The following GASK1A variants were observed in gnomAD, a reference collection of about 807,000 sequenced individuals.
GASK1A encodes Golgi-associated kinase 1A.
Under a neutral mutation model 41.2 loss-of-function variants are expected in GASK1A, and 40 were observed. The ratio of observed to expected loss-of-function variants is 0.97; its 90% CI spans 0.75 to 1.27. GASK1A has a LOEUF of 1.27. Ranked by LOEUF, GASK1A falls within the 50% of genes most tolerant of loss-of-function variation. The probability of loss-of-function intolerance (pLI) is 0.00; values close to 1 mark genes in which losing one functional copy is unlikely to be tolerated. For missense variants in GASK1A, 678 were observed against 745.1 expected (o/e 0.91, Z 1.05); for synonymous variants, 316 against 307.1 (o/e 1.03, Z -0.30).
Position 42,979,596 on chromosome 3 carries a change from G to A in GASK1A, c.-47G>A, listed in dbSNP as rs6763762. On this transcript the variant is annotated 5_prime_UTR_variant, in exon 1 of 5. Transcript: ENST00000430121. ...CCAAGGGGAGGCGGGATGAGTCTGCGAGCCGGCTGAGCGCGCCGAGGAGCC... is the reference window on the plus strand; with the variant it reads ...CCAAGGGGAGGCGGGATGAGTCTGCAAGCCGGCTGAGCGCGCCGAGGAGCC... 0.18 allele frequency: 218,647 copies of A among 1,239,956 alleles called. 20,227 individuals are homozygous for A. Among genetic ancestry groups the A allele is most frequent in the Non-Finnish European group, 0.19 (185,729 of 987,150 alleles). The allele number at this position is 1,239,956 out of a possible 1,614,324, so 76.8% of individuals were successfully genotyped here.
At chr3:43,052,194 T>G (rs1559408453) in intron 2 of GASK1A, among the ~76,000 whole-genome samples, 1 of 152,132 alleles carries the variant, frequency 6.6e-6, no homozygotes, top group African/African-American at 2.4e-5. Flanking sequence ...GTAGATGGAC[T>G]CTTTCTGTTT....
chr3:42,997,197 G>A (rs996133985), intron 1 of GASK1A, among the ~76,000 whole-genome samples: 4 of 152,178 alleles, frequency 2.6e-5, no homozygotes, highest in African/African-American at 9.7e-5. Flanking sequence ...CCTGCACCTT[G>A]GGTGACTCTG....
At chr3:43,031,067 G>T (rs142545784) in intron 1 of GASK1A, among the ~76,000 whole-genome samples, 112 of 152,316 alleles carry the variant, frequency 7.4e-4, no homozygotes, top group African/African-American at 2.5e-3. Flanking sequence ...CCAGCAAATT[G>T]CCTCACACTG....
chr3:43,009,687 C>T (rs977716492), intron 1 of GASK1A, among the ~76,000 whole-genome samples: 1 of 152,206 alleles, frequency 6.6e-6, no homozygotes, highest in Non-Finnish European at 1.5e-5. Flanking sequence ...ATCCTTCTAG[C>T]CATAACAGTG....
At chr3:43,008,277 A>T (rs2089446406) in intron 1 of GASK1A, among the ~76,000 whole-genome samples, 1 of 152,158 alleles carries the variant, frequency 6.6e-6, no homozygotes. Flanking sequence ...CTGGCATGGG[A>T]GATGCTCAAC....
At chr3:43,039,869 G>C (rs2089626912) in intron 2 of GASK1A, among the ~76,000 whole-genome samples, 1 of 152,096 alleles carries the variant, frequency 6.6e-6, no homozygotes, top group Non-Finnish European at 1.5e-5. Context: ...TTTTCTGTTG[G>C]GTTGTTGGTC....
At chr3:42,985,274 C>T (rs1378861468) in intron 1 of GASK1A, among the ~76,000 whole-genome samples, 1 of 152,160 alleles carries the variant, frequency 6.6e-6, no homozygotes, top group Admixed American at 6.5e-5. Flanking sequence ...ACGGGTGTCT[C>T]CATGGGCAGG....
chr3:42,982,447 C>T (rs1043046484), intron 1 of GASK1A, among the ~76,000 whole-genome samples: 2 of 152,204 alleles, frequency 1.3e-5, no homozygotes, highest in African/African-American at 4.8e-5. Context: ...TTTTAAAGAG[C>T]TGAGATTTCA....
At chr3:43,012,219 G>A (rs1282439802) in intron 1 of GASK1A, among the ~76,000 whole-genome samples, 1 of 150,788 alleles carries the variant, frequency 6.6e-6, no homozygotes, top group African/African-American at 2.4e-5. Context: ...GAAAGGGGCT[G>A]TTTGAAGCCA....
At chr3:43,049,113 T>A (rs2089676983) in intron 2 of GASK1A, among the ~76,000 whole-genome samples, 1 of 152,144 alleles carries the variant, frequency 6.6e-6, no homozygotes, top group African/African-American at 2.4e-5. Flanking sequence ...TGCAGGGTAC[T>A]TGGATTGTTG....
At chr3:43,002,408 C>T (rs750320425) in intron 1 of GASK1A, among the ~76,000 whole-genome samples, 1 of 152,144 alleles carries the variant, frequency 6.6e-6, no homozygotes, top group East Asian at 1.9e-4. Flanking sequence ...CTGTACTGTA[C>T]CACAATTTTT....
At chr3:43,051,656 C>T (rs1466890483) in intron 2 of GASK1A, among the ~76,000 whole-genome samples, 2 of 152,124 alleles carry the variant, frequency 1.3e-5, no homozygotes, top group Non-Finnish European at 2.9e-5. Context: ...CAATTGTTAT[C>T]CATTGTCTCA....
chr3:43,008,060 G>A (rs1005079959), intron 1 of GASK1A, among the ~76,000 whole-genome samples: 1 of 152,188 alleles, frequency 6.6e-6, no homozygotes, highest in African/African-American at 2.4e-5. Flanking sequence ...ATAATAGCAG[G>A]GTCAAAACTC....
intron 1 of GASK1A, among the ~76,000 whole-genome samples, chr3:42,988,265 G>A (rs1226129106): frequency 6.6e-6 from 1 of 152,192 alleles, no homozygotes; most frequent in Non-Finnish European, 1.5e-5. Context: ...GCCGCGGGAA[G>A]GGGCTGTATC....
chr3:43,008,718 A>T (rs898903592), intron 1 of GASK1A, among the ~76,000 whole-genome samples: 4 of 152,338 alleles, frequency 2.6e-5, no homozygotes, highest in East Asian at 1.9e-4. Context: ...GCCATGCTTT[A>T]GAAGTCAACT....
At position 43,050,769 on chromosome 3, in the gene GASK1A, G is replaced by A. The variant is rs147919533; in HGVS notation, c.1291-2752G>A. Among the ~76,000 whole-genome samples, 1,437 of 151,438 alleles carry A rather than the reference G, an allele frequency of 9.5e-3. 25 individuals are homozygous for A. Among genetic ancestry groups the A allele is most frequent in the African/African-American group, 0.033 (1,348 of 41,214 alleles). ...GACCTATCTTCAGGTTTTCTGATTC[G>A]TTCTTCTGCCTGCTCATAACTGCTG... On this transcript the variant is annotated intron_variant, in intron 2 of 4. Coordinates refer to ENST00000430121, the MANE Select transcript of GASK1A (RefSeq NM_001129908.3).
At chr3:43,019,115 G>T (rs568926618) in intron 1 of GASK1A, among the ~76,000 whole-genome samples, 4 of 152,366 alleles carry the variant, frequency 2.6e-5, no homozygotes, top group African/African-American at 9.6e-5. Flanking sequence ...CAGACATGTA[G>T]TGAATGCTGA....
At chr3:43,025,719 G>A (rs2089544026) in intron 1 of GASK1A, among the ~76,000 whole-genome samples, 1 of 152,154 alleles carries the variant, frequency 6.6e-6, no homozygotes, top group South Asian at 2.1e-4. Flanking sequence ...TCCTGAGCAC[G>A]GAAGTTGGAA....
chr3:42,982,276 G>T (rs1171865569), intron 1 of GASK1A, among the ~76,000 whole-genome samples: 5 of 152,134 alleles, frequency 3.3e-5, no homozygotes, highest in Non-Finnish European at 7.3e-5. Flanking sequence ...ATATATATGT[G>T]TTGGGTTAAA....
Sources: allele counts gnomAD v4.1 joint callset (sites outside exome capture counted in the v4.1 genomes callset), GRCh38; gene constraint gnomAD v4.1.1; transcripts MANE v1.5; gene names NCBI Gene and HGNC (gene_info 2026-07-23, HGNC 2026-07-21).